Variants in NOTO observed in about 807,000 individuals in gnomAD.
NOTO encodes the protein homeobox protein notochord.
Under a neutral mutation model 20.5 loss-of-function variants are expected in NOTO, and 19 were observed. That is an observed-to-expected ratio of 0.93 (90% CI 0.65 to 1.36). NOTO has a LOEUF of 1.36. NOTO is among the 40% of genes most tolerant of loss of function. The probability of loss-of-function intolerance (pLI) is 0.00; values close to 1 mark genes in which losing one functional copy is unlikely to be tolerated. For missense variants in NOTO, 369 were observed against 336.2 expected, an observed-to-expected ratio of 1.10 and a Z score of -0.76; for synonymous variants, 150 against 150.2, an observed-to-expected ratio of 1.00 and a Z score of 0.01.
rs111499368 is a variant in NOTO, at chr2:73,203,463, G to GT, written c.382+427dup. Among the ~76,000 whole-genome samples, 663 of 146,702 alleles carry GT rather than the reference G, an allele frequency of 4.5e-3. 1 individual carries two copies. The highest frequency in any genetic ancestry group is 7.2e-3 in the Middle Eastern group (2 of 278). On this transcript the variant is annotated intron_variant, in intron 1 of 2. Transcript: ENST00000398468. ...GCTCTCGACCCGAACCAATGGCCCT[G>GT]TTTTTTTTTTTTACGGGGTAGGGGG...
In NOTO at chr2:73,202,633, C is replaced by T. The variant is rs1431289334; in HGVS notation, c.-34C>T. Reference sequence around the variant, plus strand: ...GAATCTTCTCACTTCTCCCGAGCTCCCTTCCTTGCGTCCGTCCGGGCAACG... The same window carrying T: ...GAATCTTCTCACTTCTCCCGAGCTCTCTTCCTTGCGTCCGTCCGGGCAACG... On this transcript the variant is annotated 5_prime_UTR_variant, in exon 1 of 3. Coordinates refer to ENST00000398468, the MANE Select transcript of NOTO (RefSeq NM_001134462.2). 2 of 1,425,140 alleles carry T rather than the reference C, an allele frequency of 1.4e-6. No individual in the cohort carries two copies. Among genetic ancestry groups the T allele is most frequent in the Admixed American group, 5.9e-5 (2 of 34,044 alleles). The allele number at this position is 1,425,140 out of a possible 1,614,324, so 88.3% of individuals were successfully genotyped here.
At chr2:73,204,558 T>A (rs1686060337) in intron 1 of NOTO, among the ~76,000 whole-genome samples, 1 of 152,178 alleles carries the variant, frequency 6.6e-6, no homozygotes, top group African/African-American at 2.4e-5. Flanking sequence ...CGCAGCCCCA[T>A]CTAAATTCAA....
At position 73,208,524 on chromosome 2, in the gene NOTO, A is replaced by G; in HGVS notation, c.507A>G (p.Glu169=). ...CTATGTTTAACTTGGAGCAGCTGGA[A>G]GAGTTGGAGAAAGTGTTTGCAAAAC... ...VRTMFNLEQL[E]ELEKVFAKQH... Residue 169 remains glutamate, a synonymous_variant, in exon 2 of 3, where the codon GAA becomes GAG. Coordinates refer to ENST00000398468, the MANE Select transcript of NOTO (RefSeq NM_001134462.2). 6.4e-7 allele frequency: 1 copy of G among 1,551,640 alleles called. No homozygotes were observed. The highest frequency in any genetic ancestry group is 8.7e-7 in the Non-Finnish European group (1 of 1,146,932).
chr2:73,209,235 TAATC>T (rs1686133998), intron 2 of NOTO, among the ~76,000 whole-genome samples: 1 of 150,764 alleles, frequency 6.6e-6, no homozygotes, highest in Non-Finnish European at 1.5e-5. Context: ...AGAGTCAATA[TAATC>T]AATATTTCTT....
Position 73,202,620 on chromosome 2 carries a change from T to C in NOTO, c.-47T>C, listed in dbSNP as rs1025436852. 1.4e-6 allele frequency: 2 copies of C among 1,403,682 alleles called. No homozygotes were observed. Among genetic ancestry groups the C allele is most frequent in the Non-Finnish European group, 1.8e-6 (2 of 1,087,056 alleles). The allele number at this position is 1,403,682 out of a possible 1,614,324, so 87.0% of individuals were successfully genotyped here. The stretch of plus-strand genomic sequence containing the variant: ...GCTGCCTTTTGCAGAATCTTCTCAC[T>C]TCTCCCGAGCTCCCTTCCTTGCGTC... On this transcript the variant is annotated 5_prime_UTR_variant, in exon 1 of 3. Transcript: ENST00000398468.
chr2:73,208,586 C>T lies in NOTO; in HGVS notation c.569C>T (p.Ala190Val). The T allele has an allele frequency of 1.3e-6, 2 of 1,551,206 alleles. No individual in the cohort carries two copies. The highest frequency in any genetic ancestry group is 1.7e-6 in the Non-Finnish European group (2 of 1,146,756). Residue 190 changes from alanine to valine, a missense_variant, in exon 2 of 3, where the codon GCA (alanine) becomes GTA (valine). Coordinates refer to ENST00000398468, the MANE Select transcript of NOTO (RefSeq NM_001134462.2). ...NLVGKKRAQLAARLKLTENQV... is the reference protein window; with the variant it reads ...NLVGKKRAQLVARLKLTENQV... ...GTGGGGAAGAAGAGAGCCCAGCTGG[C>T]AGCTCGGCTCAAACTTACAGAGAAC...
rs1208135746 is a variant in NOTO at position 73,210,851 on chromosome 2, T to C, written c.678T>C (p.Ala226=). ...KLRAAVTSAE[A]ASLDEPSSSS... is the part of the protein sequence containing the mutation. ...GGGCAGCAGTTACATCTGCCGAGGC[T>C]GCCTCCCTGGATGAGCCTTCCAGCA... is the stretch of plus-strand genomic sequence containing the variant. Residue 226 remains alanine, a synonymous_variant, in exon 3 of 3, where the codon GCT becomes GCC. Transcript: ENST00000398468. 16 of 1,551,546 alleles carry C rather than the reference T, an allele frequency of 1.0e-5. No individual in the cohort carries two copies. Among genetic ancestry groups the C allele is most frequent in the Non-Finnish European group, 1.4e-5 (16 of 1,146,948 alleles).
At position 73,210,864 on chromosome 2, in the gene NOTO, G is replaced by A. The variant is rs974340166; in HGVS notation, c.691G>A (p.Glu231Lys). 53 of 1,551,552 alleles carry A rather than the reference G, an allele frequency of 3.4e-5. No individual in the cohort carries two copies. Among genetic ancestry groups the A allele is most frequent in the Non-Finnish European group, 3.1e-5 (36 of 1,146,962 alleles). ...VTSAEAASLD[E>K]PSSSSIASIQ... ...ATCTGCCGAGGCTGCCTCCCTGGAT[G>A]AGCCTTCCAGCAGCTCCATCGCCAG... Residue 231 changes from glutamate to lysine, a missense_variant, in exon 3 of 3, where the codon GAG (glutamate) becomes AAG (lysine). Glu to Lys is a moderately conservative substitution (Grantham distance 56). Coordinates refer to ENST00000398468, the MANE Select transcript of NOTO (RefSeq NM_001134462.2).
Position 73,210,891 on chromosome 2 carries a change from A to G in NOTO, c.718A>G (p.Ile240Val). Residue 240 changes from isoleucine (I) to valine (V), a missense_variant, in exon 3 of 3, where the codon ATC (isoleucine) becomes GTC (valine). Coordinates refer to ENST00000398468, the MANE Select transcript of NOTO (RefSeq NM_001134462.2). ...DEPSSSSIAS[I>V]QSDDAESGVD... ...GCCTTCCAGCAGCTCCATCGCCAGT[A>G]TCCAGAGTGATGATGCCGAGTCAGG... 6.4e-7 allele frequency: 1 copy of G among 1,551,594 alleles called. No homozygotes were observed. The highest frequency in any genetic ancestry group is 2.4e-5 in the East Asian group (1 of 40,916).
intron 1 of NOTO, among the ~76,000 whole-genome samples, chr2:73,208,036 C>T (rs973422801): frequency 3.3e-5 from 5 of 152,192 alleles, no homozygotes; most frequent in African/African-American, 1.2e-4. Flanking sequence ...AAAGGGTGAA[C>T]CCCTGGGGGT....
chr2:73,208,207 C>G (rs146305112), intron 1 of NOTO, among the ~76,000 whole-genome samples, 193 bp from the exon 2 acceptor site: 85 of 152,338 alleles, frequency 5.6e-4, no homozygotes, highest in African/African-American at 2.0e-3. Flanking sequence ...TCCCTTCTTT[C>G]CCATTTGTTT....
rs763001329 is a variant in NOTO, at chr2:73,204,870, A to ATTTTTTTTTTTT, written c.382+1830_382+1831insTTTTTTTTTTTT. 4.3e-5 allele frequency among the ~76,000 whole-genome samples: 4 copies of ATTTTTTTTTTTT among 93,042 alleles called. 2 individuals carry two copies. Among genetic ancestry groups the ATTTTTTTTTTTT allele is most frequent in the African/African-American group, 1.2e-4 (2 of 16,698 alleles). The allele number at this position is 93,042 out of a possible 152,430, so 61.0% of individuals were successfully genotyped here. ...CAAGCCCCAGCACCATGCCCGGCTA[A>ATTTTTTTTTTTT]TTTTTTTTATTTTTTTATTTTTTTT... On this transcript the variant is annotated intron_variant, in intron 1 of 2. Transcript: ENST00000398468.
chr2:73,206,109 A>G (rs1686084882), intron 1 of NOTO, among the ~76,000 whole-genome samples: 1 of 152,036 alleles, frequency 6.6e-6, no homozygotes. Context: ...ATTTTTTTCT[A>G]AATTTTTGTG....
intron 2 of NOTO, among the ~76,000 whole-genome samples, chr2:73,209,859 C>G (rs1466456416): frequency 1.3e-5 from 2 of 152,128 alleles, no homozygotes; most frequent in Non-Finnish European, 2.9e-5. Context: ...ATATATGACC[C>G]CACCGTCCAC....
chr2:73,202,716 C>G lies in NOTO; in HGVS notation c.50C>G (p.Ser17Cys). The change falls in exon 1 of 3, where the codon TCT becomes TGT. Residue 17 changes from serine (S) to cysteine (C), a missense_variant. Coordinates refer to ENST00000398468, the MANE Select transcript of NOTO (RefSeq NM_001134462.2). ...RGSPPPAPSG[S>C]RVRPPRSGRS... ...AGCCCGCCACCCGCTCCCTCGGGCT[C>G]TCGGGTCCGACCTCCGCGCTCTGGC... 2 of 1,517,086 alleles carry G rather than the reference C, an allele frequency of 1.3e-6. No homozygotes were observed. Among genetic ancestry groups the G allele is most frequent in the Non-Finnish European group, 1.8e-6 (2 of 1,138,796 alleles). 94.0% of individuals were successfully genotyped at this position (1,517,086 alleles called of 1,614,324 possible). A position where few individuals can be genotyped will look rare whatever the true frequency, so the allele number is the denominator to read the frequency against.
At position 73,211,999 on chromosome 2, in the gene NOTO, C is replaced by T. The variant is rs1387810794; in HGVS notation, c.*1070C>T. 1 of 152,218 alleles carries T rather than the reference C, an allele frequency of 6.6e-6. No homozygotes were observed. Among genetic ancestry groups the T allele is most frequent in the Non-Finnish European group, 1.5e-5 (1 of 68,050 alleles). The allele number at this position is 152,218 out of a possible 1,614,324, so 9.4% of individuals were successfully genotyped here. On this transcript the variant is annotated 3_prime_UTR_variant, in exon 3 of 3. Transcript: ENST00000398468. ...CCTGGCCTGGCTGTGGAGAAGGAACCTCTTTGAATAAGCATCTGGGCATAG... is the reference window on the plus strand; with the variant it reads ...CCTGGCCTGGCTGTGGAGAAGGAACTTCTTTGAATAAGCATCTGGGCATAG...
intron 1 of NOTO, among the ~76,000 whole-genome samples, chr2:73,203,463 G>GTT (rs111499368): frequency 3.5e-4 from 51 of 147,128 alleles, no homozygotes; most frequent in African/African-American, 1.1e-3. Flanking sequence ...CAATGGCCCT[G>GTT]TTTTTTTTTT....
In NOTO at chr2:73,211,082, G is replaced by A. The variant is rs1343193077; in HGVS notation, c.*153G>A. The A allele has an allele frequency of 6.9e-6, 4 of 577,102 alleles. No individual in the cohort carries two copies. Among genetic ancestry groups the A allele is most frequent in the Non-Finnish European group, 1.2e-5 (4 of 336,834 alleles). The allele number at this position is 577,102 out of a possible 1,614,324, so 35.7% of individuals were successfully genotyped here. A position where few individuals can be genotyped will look rare whatever the true frequency, so the allele number is the denominator to read the frequency against. ...GACCCCCTTTTCTATACTGATTCCT[G>A]GAAACTGGAATAATGTAATGATTGG... is the stretch of plus-strand genomic sequence containing the variant. On this transcript the variant is annotated 3_prime_UTR_variant, in exon 3 of 3. Transcript: ENST00000398468.
chr2:73,203,086 C>G, intron 1 of NOTO, 38 bp downstream of exon 1: 1 of 1,366,890 alleles, frequency 7.3e-7, no homozygotes, highest in Non-Finnish European at 9.4e-7. Context: ...GGGGACTGGG[C>G]GGGGGCTGGA....
Sources: gnomAD v4.1 joint callset for allele counts (sites outside exome capture counted in the v4.1 genomes callset) on GRCh38, gnomAD v4.1.1 for gene constraint, MANE v1.5 for transcripts, NCBI Gene and HGNC (gene_info 2026-07-23, HGNC 2026-07-21) for gene names.